Variants in COL4A6 observed in about 807,000 individuals in gnomAD.
COL4A6 encodes collagen alpha-6(IV) chain.
Under a neutral mutation model 126.7 loss-of-function variants are expected in COL4A6, and 59 were observed. That is an observed-to-expected ratio of 0.47 (90% CI 0.38 to 0.58). COL4A6 has a LOEUF of 0.58. Among genes scored for constraint, COL4A6 ranks in the 20% least tolerant of loss-of-function variants. COL4A6 has a pLI of 0.00. For synonymous variants in COL4A6, 547 were observed against 496.6 expected, an observed-to-expected ratio of 1.10 and a Z score of -1.35; for missense variants, 1,285 against 1,337.3, an observed-to-expected ratio of 0.96 and a Z score of 0.61.
intron 2 of COL4A6, among the ~76,000 whole-genome samples, chrX:108,437,604 A>G (rs990596111): frequency 1.9e-4 from 21 of 111,877 alleles, no homozygotes; most frequent in African/African-American, 6.5e-4. Context: ...CAAGTTCTTG[A>G]AGACCAGGGA....
intron 5 of COL4A6, among the ~76,000 whole-genome samples, chrX:108,215,088 C>T (rs2035822978): frequency 8.9e-6 from 1 of 111,972 alleles, no homozygotes; most frequent in Admixed American, 9.4e-5. Context: ...CCTGCCGATG[C>T]AAACACACTT....
intron 3 of COL4A6, among the ~76,000 whole-genome samples, chrX:108,222,653 G>C (rs1209488614): frequency 1.8e-5 from 2 of 111,662 alleles, no homozygotes. Flanking sequence ...AGGAAATGCA[G>C]TTCTCTTGGG....
intron 20 of COL4A6, 34 bp downstream of exon 20, chrX:108,190,358 T>C: frequency 9.5e-7 from 1 of 1,054,947 alleles, no homozygotes; most frequent in East Asian, 3.0e-5. Flanking sequence ...CTAAGGAGTT[T>C]GGAGGACCAA....
intron 2 of COL4A6, among the ~76,000 whole-genome samples, chrX:108,318,597 C>G (rs1166615482): frequency 9.0e-6 from 1 of 111,409 alleles, no homozygotes. Context: ...AACAGAGAGA[C>G]AAATCATGAG....
chrX:108,395,459 G>T (rs1027710310), intron 2 of COL4A6, among the ~76,000 whole-genome samples: 2 of 112,000 alleles, frequency 1.8e-5, no homozygotes, highest in Non-Finnish European at 3.8e-5. Context: ...CAAAAGAAAA[G>T]AACTATAAGC....
chrX:108,213,938 T>A (rs2035783483), intron 6 of COL4A6, 174 bp downstream of exon 6: 1 of 448,035 alleles, frequency 2.2e-6, no homozygotes, highest in Admixed American at 4.0e-5. Flanking sequence ...CTGCAACTGG[T>A]ATTCTTCTTT....
intron 30 of COL4A6, 65 bp downstream of exon 30, chrX:108,175,025 G>C: frequency 9.0e-7 from 1 of 1,108,136 alleles, no homozygotes; most frequent in Non-Finnish European, 1.2e-6. Context: ...TGCTCAAGAA[G>C]GAAGCCAAGT....
intron 2 of COL4A6, among the ~76,000 whole-genome samples, chrX:108,321,448 A>C (rs1480811116): frequency 1.8e-5 from 2 of 111,609 alleles, no homozygotes; most frequent in African/African-American, 6.5e-5. Flanking sequence ...ATGAGGGTTG[A>C]CAGGTGCCTA....
At chrX:108,188,748 T>G in intron 20 of COL4A6, 71 bp from the exon 21 acceptor site, 1 of 991,345 alleles carries the variant, frequency 1.0e-6, no homozygotes, top group African/African-American at 2.0e-5. Flanking sequence ...TTGATCATGG[T>G]TATTTGTGAC....
chrX:108,279,995 T>G (rs974857531), intron 3 of COL4A6, among the ~76,000 whole-genome samples: 2 of 109,809 alleles, frequency 1.8e-5, no homozygotes, highest in African/African-American at 6.6e-5. Flanking sequence ...TTCAAAGCAC[T>G]GTGTAGAGGG....
rs767914544 is a variant in COL4A6, at chrX:108,211,704, C to T, written c.478G>A (p.Val160Ile). ...CCTTTGAAACTACCTGGAGCAAGGA[C>T]AGGGTCACCTTTTGATCCTTTCTGA... ...PGQKGSKGDP[V>I]LAPGSFKGMK... The change falls in exon 7 of 45, where the codon GTC becomes ATC. Residue 160 changes from valine to isoleucine, a missense_variant. Coordinates refer to ENST00000334504, the MANE Select transcript of COL4A6 (RefSeq NM_033641.4). The T allele has an allele frequency of 8.3e-7, 1 of 1,211,589 alleles. No homozygotes were observed. The highest frequency in any genetic ancestry group is 1.1e-6 in the Non-Finnish European group (1 of 895,094).
chrX:108,430,939 A>C (rs766343843), intron 2 of COL4A6, among the ~76,000 whole-genome samples: 1 of 111,860 alleles, frequency 8.9e-6, no homozygotes, highest in East Asian at 2.8e-4. Context: ...GACAGGTACA[A>C]GGGGTTAGTA....
rs771329218 is a variant in COL4A6, at chrX:108,285,350, GT to G, written c.144+25397del. On this transcript the variant is annotated intron_variant, in intron 3 of 44. Coordinates refer to ENST00000334504, the MANE Select transcript of COL4A6 (RefSeq NM_033641.4). ...TGGCTATACTAAAACCCCTGTGAAT[GT>G]TATACTTCACAATTCACCATTACCT... is the stretch of plus-strand genomic sequence containing the variant. Among the ~76,000 whole-genome samples, 6 of 112,250 alleles carry G rather than the reference GT, an allele frequency of 5.3e-5. No individual in the cohort carries two copies. In the East Asian group the frequency reaches 1.7e-3, roughly 31 times the overall value.
chrX:108,213,856 AC>A (rs2035780737), intron 6 of COL4A6: 2 of 324,839 alleles, frequency 6.2e-6, no homozygotes, highest in Non-Finnish European at 1.1e-5. Context: ...CAGCCTTTTA[AC>A]AATCTTGCCA....
chrX:108,160,219 T>C (rs2033877366), intron 43 of COL4A6, among the ~76,000 whole-genome samples: 1 of 112,458 alleles, frequency 8.9e-6, no homozygotes, highest in African/African-American at 3.2e-5. Flanking sequence ...TGATAGATAC[T>C]AGAATTAGCT....
chrX:108,272,895 G>T (rs1224930608), intron 3 of COL4A6, among the ~76,000 whole-genome samples: 1 of 109,405 alleles, frequency 9.1e-6, no homozygotes, highest in Non-Finnish European at 1.9e-5. Context: ...CTAGGTGTCT[G>T]TATTTTATTT....
chrX:108,291,478 C>T lies in COL4A6; in HGVS notation c.144+19270G>A, dbSNP rs144691461. On this transcript the variant is annotated intron_variant, in intron 3 of 44. Transcript: ENST00000334504. ...TTACTTTATGTGACCATATGATATT[C>T]CACTGTAAGGGATATACCATACTTC... 1.9e-4 allele frequency among the ~76,000 whole-genome samples: 21 copies of T among 111,854 alleles called. 1 individual carries two copies. In the East Asian group the frequency reaches 5.3e-3, roughly 28 times the overall value.
chrX:108,321,821 G>A lies in COL4A6; in HGVS notation c.64-10993C>T, dbSNP rs1478784907. On this transcript the variant is annotated intron_variant, in intron 2 of 44. Transcript: ENST00000334504. ...GGCCACATTCACAATAATGGCTACC[G>A]TGAGCATCTGTTATGTGCCTAATTA... Among the ~76,000 whole-genome samples, 3 of 111,244 alleles carry A rather than the reference G, an allele frequency of 2.7e-5. No homozygotes were observed. The East Asian group carries it at 8.5e-4, about 31-fold the overall frequency.
chrX:108,266,566 CATGCCCTATGTCT>C (rs765685412), intron 3 of COL4A6, among the ~76,000 whole-genome samples: 1 of 111,698 alleles, frequency 9.0e-6, no homozygotes, highest in Non-Finnish European at 1.9e-5. Context: ...TCAATAAAGA[CATGCCCTATGTCT>C]ATGCTGTTCA....
Sources: allele counts gnomAD v4.1 joint callset (sites outside exome capture counted in the v4.1 genomes callset), GRCh38; gene constraint gnomAD v4.1.1; transcripts MANE v1.5; gene names NCBI Gene and HGNC (gene_info 2026-07-23, HGNC 2026-07-21).